Variants in PHEX observed in about 807,000 individuals in gnomAD.
PHEX encodes phosphate-regulating neutral endopeptidase PHEX.
A neutral mutation model predicts 68.0 loss-of-function variants in PHEX; 16 were observed. The observed-to-expected ratio is 0.24, with a 90% confidence interval of 0.16 to 0.36. The LOEUF is 0.36. PHEX is among the 10% of genes least tolerant of loss of function. PHEX has a pLI of 1.00. For missense variants in PHEX, 480 were observed against 575.5 expected (o/e 0.83, Z 1.70); for synonymous variants, 208 against 205.1 (o/e 1.01, Z -0.12).
chrX:22,139,415 G>A lies in PHEX; in HGVS notation c.1404+5791G>A, dbSNP rs62589343. ...GGTTTTGAACAAATTCAGTATTGTCGTTGTGATATATATTTTAAACACAAA... is the reference window on the plus strand; with the variant it reads ...GGTTTTGAACAAATTCAGTATTGTCATTGTGATATATATTTTAAACACAAA... On this transcript the variant is annotated intron_variant, in intron 12 of 21. Transcript: ENST00000379374. Among the ~76,000 whole-genome samples, 522 of 112,098 alleles carry A rather than the reference G, an allele frequency of 4.7e-3. 3 individuals are homozygous for A. Among genetic ancestry groups the A allele is most frequent in the Non-Finnish European group, 7.5e-3 (397 of 53,243 alleles).
chrX:22,185,947 CATTT>C (rs2147134815), intron 14 of PHEX, among the ~76,000 whole-genome samples: 1 of 110,297 alleles, frequency 9.1e-6, no homozygotes, highest in Admixed American at 9.6e-5. Flanking sequence ...GTACAGACAG[CATTT>C]CACCATGTTG....
chrX:22,115,602 G>C (rs752451020), intron 11 of PHEX, among the ~76,000 whole-genome samples: 37 of 111,405 alleles, frequency 3.3e-4, no homozygotes, highest in Non-Finnish European at 5.5e-4. Flanking sequence ...CCATTTCCCT[G>C]CCCCCAGCCC....
intron 11 of PHEX, among the ~76,000 whole-genome samples, chrX:22,123,099 C>T (rs866465581): frequency 5.6e-5 from 6 of 106,268 alleles, no homozygotes; most frequent in Middle Eastern, 4.7e-3. Context: ...AAGCCATCTT[C>T]CCACTTTAGC....
chrX:22,059,880 A>T (rs1231645168), intron 3 of PHEX, among the ~76,000 whole-genome samples: 1 of 112,151 alleles, frequency 8.9e-6, no homozygotes, highest in Non-Finnish European at 1.9e-5. Context: ...AGTTTGTACC[A>T]GTACCAACCC....
intron 3 of PHEX, among the ~76,000 whole-genome samples, chrX:22,048,398 G>A (rs1480253071): frequency 2.7e-5 from 3 of 111,003 alleles, no homozygotes; most frequent in Non-Finnish European, 3.8e-5. Flanking sequence ...AATTCATGTT[G>A]GTCTTTGATT....
At chrX:22,227,634 A>C in intron 20 of PHEX, 23 bp downstream of exon 20, 1 of 1,045,644 alleles carries the variant, frequency 9.6e-7, no homozygotes, top group Non-Finnish European at 1.3e-6. Context: ...AGGAAGGGGC[A>C]TCAGGGATGA....
At chrX:22,171,163 C>G (rs1933511051) in intron 13 of PHEX, 2 of 111,441 alleles carry the variant, frequency 1.8e-5, no homozygotes, top group African/African-American at 6.5e-5. Context: ...ACTCACAGTT[C>G]CACACGGCTG....
chrX:22,185,846 C>T (rs991261510), intron 14 of PHEX, among the ~76,000 whole-genome samples: 1 of 106,100 alleles, frequency 9.4e-6, no homozygotes, highest in East Asian at 2.9e-4. Flanking sequence ...ACCTCCGTCT[C>T]CCAGGTTCAA....
chrX:22,247,125 A>G lies in PHEX; in HGVS notation c.2148-726A>G, dbSNP rs1936415231. On this transcript the variant is annotated intron_variant, in intron 21 of 21. Transcript: ENST00000379374. Reference sequence around the variant, plus strand: ...GAGCTAACTCCAGTGAAGAATTATCAGTAATAACTAGATACCATTCATTAA... The same window carrying G: ...GAGCTAACTCCAGTGAAGAATTATCGGTAATAACTAGATACCATTCATTAA... Among the ~76,000 whole-genome samples the G allele has an allele frequency of 2.7e-5, 3 of 112,391 alleles. No homozygotes were observed. In the Admixed American group the frequency reaches 2.8e-4, roughly 11 times the overall value.
intron 12 of PHEX, among the ~76,000 whole-genome samples, chrX:22,133,908 T>G (rs1311778849): frequency 8.9e-6 from 1 of 112,282 alleles, no homozygotes; most frequent in Non-Finnish European, 1.9e-5. Context: ...TGCTGCCTGG[T>G]GAATTGTGTC....
intron 3 of PHEX, among the ~76,000 whole-genome samples, chrX:22,060,061 G>A (rs980127374): frequency 1.5e-4 from 16 of 108,751 alleles, no homozygotes; most frequent in Non-Finnish European, 3.0e-4. Context: ...AAGTTGGAGA[G>A]GGAAGAATGC....
chrX:22,216,414 C>T (rs1361070659), intron 16 of PHEX, among the ~76,000 whole-genome samples: 1 of 111,927 alleles, frequency 8.9e-6, no homozygotes, highest in Non-Finnish European at 1.9e-5. Flanking sequence ...AAGACTAGAT[C>T]TTCAGTGCAA....
chrX:22,145,124 G>A (rs1018786172), intron 12 of PHEX, among the ~76,000 whole-genome samples: 1 of 111,838 alleles, frequency 8.9e-6, no homozygotes, highest in Non-Finnish European at 1.9e-5. Context: ...CAAAGCGAAG[G>A]GCGATCCGTG....
intron 7 of PHEX, among the ~76,000 whole-genome samples, chrX:22,095,288 T>C (rs927528817): frequency 2.7e-5 from 3 of 112,037 alleles, no homozygotes; most frequent in Admixed American, 9.5e-5. Flanking sequence ...GAGCCATGTC[T>C]AGAGTCTGTC....
chrX:22,064,626 G>A (rs184227923), intron 3 of PHEX, among the ~76,000 whole-genome samples: 5 of 112,296 alleles, frequency 4.5e-5, no homozygotes, highest in African/African-American at 1.6e-4. Flanking sequence ...TAAGGACATA[G>A]TATGTCACTG....
At chrX:22,233,449 T>G (rs138981997) in intron 20 of PHEX, among the ~76,000 whole-genome samples, 331 of 111,637 alleles carry the variant, frequency 3.0e-3, no homozygotes, top group African/African-American at 1.0e-2. Flanking sequence ...GGTACACCAA[T>G]CAAACGTAGA....
chrX:22,140,771 C>G (rs1286244258), intron 12 of PHEX, among the ~76,000 whole-genome samples: 1 of 112,029 alleles, frequency 8.9e-6, no homozygotes, highest in African/African-American at 3.2e-5. Context: ...CATGAGCCAC[C>G]GTGCCTGGCT....
At chrX:22,036,062 T>C (rs1185127608) in intron 1 of PHEX, among the ~76,000 whole-genome samples, 1 of 76,409 alleles carries the variant, frequency 1.3e-5, no homozygotes, top group Non-Finnish European at 2.6e-5. Flanking sequence ...ATATTTTTTT[T>C]TTTTTTTTTT....
At chrX:22,208,602 A>T (rs1934787849) in intron 15 of PHEX, among the ~76,000 whole-genome samples, 1 of 112,286 alleles carries the variant, frequency 8.9e-6, no homozygotes, top group Non-Finnish European at 1.9e-5. Flanking sequence ...GACCAGCCGC[A>T]TCTGCATCGC....
Sources: gnomAD v4.1 joint callset for allele counts (sites outside exome capture counted in the v4.1 genomes callset) on GRCh38, gnomAD v4.1.1 for gene constraint, MANE v1.5 for transcripts, NCBI Gene and HGNC (gene_info 2026-07-23, HGNC 2026-07-21) for gene names.